The following CACNG2 variants were observed in gnomAD, a reference collection of about 807,000 sequenced individuals.
The protein encoded by CACNG2 is calcium voltage-gated channel auxiliary subunit gamma 2, also known as voltage-dependent calcium channel gamma-2 subunit.
CACNG2 carries 3 observed loss-of-function variants against 25.9 expected under a neutral mutation model. The observed-to-expected ratio is 0.12, with a 90% CI of 0.05 to 0.30. The LOEUF (loss-of-function observed/expected upper bound fraction) is 0.30, where lower values mean the gene tolerates loss of function less well. Ranked by LOEUF, CACNG2 falls within the 10% of genes least tolerant of loss-of-function variation. The pLI, the probability that CACNG2 is intolerant of heterozygous loss-of-function variation, is 1.00. For missense variants in CACNG2, 341 were observed against 432.5 expected, an observed-to-expected ratio of 0.79 and a Z score of 1.88; for synonymous variants, 167 against 173.3, an observed-to-expected ratio of 0.96 and a Z score of 0.29.
chr22:36,583,733 C>A (rs73171811), intron 2 of CACNG2, among the ~76,000 whole-genome samples: 8 of 152,110 alleles, frequency 5.3e-5, no homozygotes, highest in Non-Finnish European at 7.4e-5. Context: ...CCCTCTCCCC[C>A]ATCCTGGGCT....
chr22:36,701,953 C>A (rs1937415964), intron 1 of CACNG2, among the ~76,000 whole-genome samples: 1 of 152,054 alleles, frequency 6.6e-6, no homozygotes, highest in Admixed American at 6.5e-5. Context: ...AAGGGAAGAG[C>A]ATTTTTGAAT....
intron 1 of CACNG2, among the ~76,000 whole-genome samples, chr22:36,634,590 G>A (rs542819370): frequency 2.0e-5 from 3 of 152,294 alleles, no homozygotes; most frequent in South Asian, 2.1e-4. Flanking sequence ...TTTTTTAGGA[G>A]GGTTGAAATA....
At chr22:36,633,578 T>A (rs549048586) in intron 1 of CACNG2, among the ~76,000 whole-genome samples, 1 of 152,374 alleles carries the variant, frequency 6.6e-6, no homozygotes, top group African/African-American at 2.4e-5. Flanking sequence ...AAAGTCATTC[T>A]GAGCGATATG....
intron 1 of CACNG2, among the ~76,000 whole-genome samples, chr22:36,680,702 AC>A (rs1937107717): frequency 7.3e-6 from 1 of 136,628 alleles, no homozygotes; most frequent in African/African-American, 2.8e-5. Context: ...CACCATCACC[AC>A]TACCACCATC....
Position 36,566,511 on chromosome 22 carries a change from T to C in CACNG2, c.296-18A>G. On this transcript the variant is annotated intron_variant, in intron 2 of 3. Coordinates refer to ENST00000300105, the MANE Select transcript of CACNG2 (RefSeq NM_006078.5). ...CACGGCCCCTGTGGAACACAGAGGGTCAGGGAGAAAGAGAACGGCATGGCT... is the reference window on the plus strand; with the variant it reads ...CACGGCCCCTGTGGAACACAGAGGGCCAGGGAGAAAGAGAACGGCATGGCT... 6.2e-7 allele frequency: 1 copy of C among 1,613,376 alleles called. No homozygotes were observed. Among genetic ancestry groups the C allele is most frequent in the Non-Finnish European group, 8.5e-7 (1 of 1,179,856 alleles).
intron 1 of CACNG2, among the ~76,000 whole-genome samples, chr22:36,623,011 G>GATTTTTTTTTTTTTTTTTTTTTTTT (rs1569032646): frequency 1.1e-5 from 1 of 93,224 alleles, no homozygotes; most frequent in African/African-American, 4.4e-5. Flanking sequence ...TCAAAACATG[G>GATTTTTTTTTTTTTTTTTTTTTTTT]GTTTTTTTTT....
At chr22:36,603,082 T>C (rs900852301) in intron 1 of CACNG2, among the ~76,000 whole-genome samples, 1 of 152,180 alleles carries the variant, frequency 6.6e-6, no homozygotes, top group Non-Finnish European at 1.5e-5. Flanking sequence ...AGCCAAGATA[T>C]GAATGCAAAG....
intron 1 of CACNG2, among the ~76,000 whole-genome samples, chr22:36,652,709 G>C (rs1054419776): frequency 2.6e-5 from 4 of 152,038 alleles, no homozygotes; most frequent in Non-Finnish European, 5.9e-5. Context: ...TGAGATTTTT[G>C]CATCCCCATT....
intron 3 of CACNG2, among the ~76,000 whole-genome samples, chr22:36,565,697 C>T (rs1007519582): frequency 8.5e-5 from 13 of 152,120 alleles, no homozygotes; most frequent in African/African-American, 2.7e-4. Context: ...GCTGTGTTGC[C>T]CAGGCTGGTC....
At chr22:36,677,620 G>A (rs909338401) in intron 1 of CACNG2, among the ~76,000 whole-genome samples, 3 of 152,174 alleles carry the variant, frequency 2.0e-5, no homozygotes, top group Non-Finnish European at 2.9e-5. Flanking sequence ...CCATGCCTAG[G>A]TCCCCAAAGG....
chr22:36,610,093 G>A (rs1366258093), intron 1 of CACNG2, among the ~76,000 whole-genome samples: 3 of 151,352 alleles, frequency 2.0e-5, no homozygotes, highest in Non-Finnish European at 4.4e-5. Flanking sequence ...AAGTCCCCCA[G>A]TGTGTGATCA....
intron 2 of CACNG2, among the ~76,000 whole-genome samples, chr22:36,568,780 T>G (rs990282421): frequency 6.6e-6 from 1 of 151,256 alleles, no homozygotes. Flanking sequence ...TCTACACTGC[T>G]CACAAATGGG....
chr22:36,702,275 T>C, intron 1 of CACNG2, 91 bp downstream of exon 1: 1 of 783,428 alleles, frequency 1.3e-6, no homozygotes, highest in Non-Finnish European at 2.1e-6. Flanking sequence ...TGGTGGAATG[T>C]AAAGGGGACT....
At chr22:36,639,602 C>A (rs369941606) in intron 1 of CACNG2, among the ~76,000 whole-genome samples, 56 of 152,316 alleles carry the variant, frequency 3.7e-4, no homozygotes, top group African/African-American at 1.3e-3. Flanking sequence ...CCTGTGTCAT[C>A]TCTGTTTGTA....
Position 36,564,975 on chromosome 22 carries a change from G to A in CACNG2, c.437-89C>T, listed in dbSNP as rs1603500173. On this transcript the variant is annotated intron_variant, in intron 3 of 3. Transcript: ENST00000300105. The surrounding 1 kb of genome is among the most constrained non-coding windows in gnomAD (Gnocchi z 6.7). Reference sequence around the variant, plus strand: ...GGCCACAGGGCAGCCGTAAAGGACGGGGACAGCTGTGTGGGCCTTCCCCGG... The same window carrying A: ...GGCCACAGGGCAGCCGTAAAGGACGAGGACAGCTGTGTGGGCCTTCCCCGG... 1.3e-5 allele frequency: 16 copies of A among 1,239,362 alleles called. No homozygotes were observed. In the East Asian group the frequency reaches 3.7e-4, roughly 29 times the overall value. 76.8% of individuals were successfully genotyped at this position (1,239,362 alleles called of 1,614,324 possible). A position where few individuals can be genotyped will look rare whatever the true frequency, so the allele number is the denominator to read the frequency against.
chr22:36,697,910 A>AT (rs1365594042), intron 1 of CACNG2, among the ~76,000 whole-genome samples: 1 of 151,766 alleles, frequency 6.6e-6, no homozygotes, highest in Non-Finnish European at 1.5e-5. Context: ...TCAATTGGAT[A>AT]TTTTTTTTCT....
intron 1 of CACNG2, among the ~76,000 whole-genome samples, chr22:36,602,372 A>T (rs9619623): frequency 0.2 from 31,102 of 151,750 alleles, 3,829 homozygotes; most frequent in South Asian, 0.29. Context: ...ATTATTAAAC[A>T]CATTCTAAAA....
chr22:36,662,510 A>G (rs551271140), intron 1 of CACNG2, among the ~76,000 whole-genome samples: 101 of 152,314 alleles, frequency 6.6e-4, no homozygotes, highest in Non-Finnish European at 1.1e-3. Context: ...TCGCCAGGCT[A>G]ACTCAGGCCT....
At chr22:36,571,556 A>G (rs988612783) in intron 2 of CACNG2, among the ~76,000 whole-genome samples, 3 of 151,924 alleles carry the variant, frequency 2.0e-5, no homozygotes, top group African/African-American at 7.3e-5. Flanking sequence ...TTGCATGCAT[A>G]TGAAAGTTTG....
Sources: allele counts gnomAD v4.1 joint callset (sites outside exome capture counted in the v4.1 genomes callset), GRCh38; gene constraint gnomAD v4.1.1; non-coding constraint Gnocchi (gnomAD v3.1); transcripts MANE v1.5; gene names NCBI Gene and HGNC (gene_info 2026-07-23, HGNC 2026-07-21).